Variants in NUP210 observed in about 807,000 individuals in gnomAD.
The protein encoded by NUP210 is nuclear pore membrane glycoprotein 210.
A neutral mutation model predicts 196.0 loss-of-function variants in NUP210; 151 were observed. The observed-to-expected ratio is 0.77, with a 90% CI of 0.67 to 0.88. The LOEUF (loss-of-function observed/expected upper bound fraction) is 0.88. Among genes scored for constraint, NUP210 ranks in the 40% least tolerant of loss-of-function variants. The probability of loss-of-function intolerance (pLI) is 0.00; values close to 1 mark genes in which losing one functional copy is unlikely to be tolerated. For missense variants in NUP210, 2,314 were observed against 2,493.7 expected (o/e 0.93, Z 1.53); for synonymous variants, 1,070 against 1,052.7 (o/e 1.02, Z -0.32).
In NUP210 at chr3:13,360,464, C is replaced by A; in HGVS notation, c.1960G>T (p.Val654Leu). Residue 654 changes from valine to leucine, a missense_variant, in exon 15 of 40, where the codon GTA becomes TTA. Coordinates refer to ENST00000254508, the MANE Select transcript of NUP210 (RefSeq NM_024923.4). ...ATCTCCTTTGAGGAGCCCAGGGTTA[C>A]CAAGGCAACAGAGGAGGGATCCACA... ...KAVDPSSVALVTLGSSKEMLF... is the reference protein window; with the variant it reads ...KAVDPSSVALLTLGSSKEMLF... 1.2e-6 allele frequency: 2 copies of A among 1,612,168 alleles called. No individual in the cohort carries two copies. Among genetic ancestry groups the A allele is most frequent in the Non-Finnish European group, 1.7e-6 (2 of 1,179,200 alleles).
At position 13,332,793 on chromosome 3, in the gene NUP210, C is replaced by G. The variant is rs141019856; in HGVS notation, c.3844-409G>C. On this transcript the variant is annotated intron_variant, in intron 28 of 39. Transcript: ENST00000254508. ...ACAGGCAGGCTCATGTTTGTGTAGT[C>G]TAATGGGAGCTCCTTCAAGGAGCCT... 2.7e-3 allele frequency among the ~76,000 whole-genome samples: 417 copies of G among 152,202 alleles called. 3 individuals carry two copies. The highest frequency in any genetic ancestry group is 9.8e-3 in the African/African-American group (408 of 41,520).
At chr3:13,368,484 T>C (rs1237214793) in intron 13 of NUP210, among the ~76,000 whole-genome samples, 2 of 152,196 alleles carry the variant, frequency 1.3e-5, no homozygotes, top group African/African-American at 4.8e-5. Flanking sequence ...TGGCATTAAG[T>C]ACATTTATGC....
chr3:13,370,211 A>G (rs1432392905), intron 13 of NUP210, among the ~76,000 whole-genome samples: 2 of 152,004 alleles, frequency 1.3e-5, no homozygotes, highest in African/African-American at 4.8e-5. Flanking sequence ...ACACATTACC[A>G]TGCACACTCC....
At chr3:13,375,969 T>C (rs1277509078) in intron 10 of NUP210, among the ~76,000 whole-genome samples, 2 of 152,212 alleles carry the variant, frequency 1.3e-5, no homozygotes, top group Non-Finnish European at 2.9e-5. Flanking sequence ...GGAGGCCGAC[T>C]CTGGCAGGAG....
At chr3:13,394,129 G>A (rs1194081235) in intron 3 of NUP210, among the ~76,000 whole-genome samples, 1 of 152,206 alleles carries the variant, frequency 6.6e-6, no homozygotes, top group African/African-American at 2.4e-5. Context: ...GGCAGCCAAG[G>A]AGGGCTCCCT....
intron 25 of NUP210, 62 bp from the exon 26 acceptor site, chr3:13,337,979 A>T: frequency 6.7e-7 from 1 of 1,496,450 alleles, no homozygotes; most frequent in Non-Finnish European, 9.2e-7. Context: ...TGTTTCAGGA[A>T]GGGACCCCTC....
rs772021356 is a variant in NUP210, at chr3:13,327,457, G to A, written c.4287-20C>T. The A allele has an allele frequency of 3.2e-6, 5 of 1,565,878 alleles. No homozygotes were observed. Among genetic ancestry groups the A allele is most frequent in the African/African-American group, 1.3e-5 (1 of 74,120 alleles). ...TCGTCTCTAGGCACAGGAGAGAAAG[G>A]AGGGCTCTCAGTCTCGGGAAAGAAG... On this transcript the variant is annotated intron_variant, in intron 31 of 39. Coordinates refer to ENST00000254508, the MANE Select transcript of NUP210 (RefSeq NM_024923.4).
intron 16 of NUP210, among the ~76,000 whole-genome samples, chr3:13,355,273 C>T (rs921985161): frequency 2.6e-5 from 4 of 152,210 alleles, no homozygotes; most frequent in African/African-American, 9.6e-5. Flanking sequence ...TTCTCTCATC[C>T]TCTGGTTAGA....
intron 25 of NUP210, among the ~76,000 whole-genome samples, chr3:13,338,825 C>A (rs1043119415): frequency 1.3e-5 from 2 of 152,198 alleles, no homozygotes; most frequent in African/African-American, 4.8e-5. Context: ...ACCTCCCCAA[C>A]CTGCCAGATG....
At chr3:13,407,758 G>A (rs968808833) in intron 1 of NUP210, among the ~76,000 whole-genome samples, 37 of 152,048 alleles carry the variant, frequency 2.4e-4, no homozygotes, top group South Asian at 2.1e-4. Flanking sequence ...CCATGGCACC[G>A]CTGGTCCTCC....
At chr3:13,370,577 G>C (rs1403219603) in intron 13 of NUP210, among the ~76,000 whole-genome samples, 1 of 152,180 alleles carries the variant, frequency 6.6e-6, no homozygotes, top group Admixed American at 6.5e-5. Context: ...GGCAGTGCAG[G>C]GGAGTGGTTC....
At chr3:13,345,725 C>T (rs1213359000) in intron 20 of NUP210, among the ~76,000 whole-genome samples, 1 of 152,220 alleles carries the variant, frequency 6.6e-6, no homozygotes, top group Non-Finnish European at 1.5e-5. Flanking sequence ...GGAGCCATTG[C>T]CACATGAGCC....
At chr3:13,352,271 T>A in intron 18 of NUP210, 87 bp from the exon 19 acceptor site, 2 of 974,332 alleles carry the variant, frequency 2.1e-6, no homozygotes, top group Non-Finnish European at 3.2e-6. Context: ...CCCTAGGGCC[T>A]GGCCTTGCTC....
intron 1 of NUP210, among the ~76,000 whole-genome samples, chr3:13,417,227 T>G (rs1700377582): frequency 6.6e-6 from 1 of 152,194 alleles, no homozygotes. Flanking sequence ...TCACTTCCCC[T>G]TCTGGAGCTC....
intron 1 of NUP210, among the ~76,000 whole-genome samples, chr3:13,414,552 C>T (rs1047760227): frequency 6.6e-6 from 1 of 152,226 alleles, no homozygotes; most frequent in African/African-American, 2.4e-5. Flanking sequence ...CTCCTAACCA[C>T]AGCCCACAAG....
intron 6 of NUP210, among the ~76,000 whole-genome samples, chr3:13,383,086 G>C (rs760472654): frequency 2.6e-5 from 4 of 152,138 alleles, no homozygotes; most frequent in Non-Finnish European, 5.9e-5. Context: ...CAAAGCTGCT[G>C]TGAGCCATGA....
At chr3:13,378,847 A>T in intron 8 of NUP210, 65 bp downstream of exon 8, 1 of 1,222,878 alleles carries the variant, frequency 8.2e-7, no homozygotes, top group Admixed American at 1.7e-5. Flanking sequence ...CTTCTTTTCT[A>T]TTTTTTAAAC....
At position 13,379,428 on chromosome 3, in the gene NUP210, G is replaced by A; in HGVS notation, c.976+135C>T. On this transcript the variant is annotated intron_variant, in intron 7 of 39. Transcript: ENST00000254508. This position sits in a 1 kb window ranked among gnomAD's most constrained non-coding sequence, Gnocchi z 4.2. ...AATTCCACTCAGCAGTGCTATTTCA[G>A]TTCTTTCTGATTTTCAGACCGTTGA... 8.5e-7 allele frequency: 1 copy of A among 1,174,070 alleles called. No homozygotes were observed. Among genetic ancestry groups the A allele is most frequent in the Non-Finnish European group, 1.2e-6 (1 of 804,740 alleles). The allele number at this position is 1,174,070 out of a possible 1,614,324, so 72.7% of individuals were successfully genotyped here.
chr3:13,411,337 G>A (rs1228044164), intron 1 of NUP210, among the ~76,000 whole-genome samples: 2 of 152,216 alleles, frequency 1.3e-5, no homozygotes, highest in African/African-American at 4.8e-5. Context: ...ATCTGAGAGT[G>A]AGTGTGGTTC....
Sources: gnomAD v4.1 joint callset for allele counts (sites outside exome capture counted in the v4.1 genomes callset) on GRCh38, gnomAD v4.1.1 for gene constraint, Gnocchi (gnomAD v3.1) non-coding constraint, MANE v1.5 for transcripts, NCBI Gene and HGNC (gene_info 2026-07-23, HGNC 2026-07-21) for gene names.